Variants in CDH12 observed in about 807,000 individuals in gnomAD.
The protein encoded by CDH12 is cadherin-12.
Under a neutral mutation model 74.1 loss-of-function variants are expected in CDH12, and 41 were observed. The ratio of observed to expected loss-of-function variants is 0.55; its 90% confidence interval spans 0.43 to 0.72. The LOEUF is 0.72. CDH12 is among the 30% of genes least tolerant of loss of function. The pLI is 0.00. For synonymous variants in CDH12, 399 were observed against 355.0 expected, an observed-to-expected ratio of 1.12 and a Z score of -1.39; for missense variants, 945 against 977.2, an observed-to-expected ratio of 0.97 and a Z score of 0.44.
intron 4 of CDH12, among the ~76,000 whole-genome samples, chr5:22,203,033 T>A (rs541239519): frequency 1.6e-4 from 24 of 152,144 alleles, no homozygotes; most frequent in Non-Finnish European, 3.4e-4. Context: ...AACATAGGTA[T>A]ACGATGTGTA....
chr5:22,796,909 T>C (rs865780324), intron 1 of CDH12, among the ~76,000 whole-genome samples: 11 of 152,186 alleles, frequency 7.2e-5, no homozygotes, highest in African/African-American at 2.6e-4. Context: ...GAAAAGCAAG[T>C]TTCATAAAAT....
rs192232341 is a variant in CDH12, at chr5:21,951,941, T to C, written c.526+23150A>G. ...CTTTTGAATAGCGTCTGTTTATTCC[T>C]GTTAGAACTGAACTGGCAGGAAAAG... On this transcript the variant is annotated intron_variant, in intron 6 of 14. Transcript: ENST00000382254. Among the ~76,000 whole-genome samples the C allele has an allele frequency of 5.2e-3, 789 of 152,284 alleles. 4 individuals are homozygous for C. Among genetic ancestry groups the C allele is most frequent in the African/African-American group, 0.018 (761 of 41,556 alleles).
chr5:21,934,911 C>T (rs1755007342), intron 6 of CDH12, among the ~76,000 whole-genome samples: 1 of 152,108 alleles, frequency 6.6e-6, no homozygotes, highest in South Asian at 2.1e-4. Flanking sequence ...CTCAGCCTCC[C>T]GAGTAACTGC....
intron 1 of CDH12, among the ~76,000 whole-genome samples, chr5:22,611,133 A>T (rs968331765): frequency 7.2e-5 from 11 of 152,108 alleles, no homozygotes; most frequent in Non-Finnish European, 1.5e-4. Flanking sequence ...TTTATCCTAG[A>T]TATTTCTTGT....
chr5:22,588,526 A>G (rs183140272), intron 1 of CDH12, among the ~76,000 whole-genome samples: 1 of 152,180 alleles, frequency 6.6e-6, no homozygotes, highest in Non-Finnish European at 1.5e-5. Flanking sequence ...TAATTTGCAT[A>G]GGTTAATGGT....
intron 1 of CDH12, among the ~76,000 whole-genome samples, chr5:22,728,677 T>C (rs1744282199): frequency 6.6e-6 from 1 of 151,888 alleles, no homozygotes; most frequent in Non-Finnish European, 1.5e-5. Context: ...AAGTCTAAGA[T>C]GCGGCAAATC....
At chr5:22,795,457 T>A (rs1469900681) in intron 1 of CDH12, among the ~76,000 whole-genome samples, 1 of 151,922 alleles carries the variant, frequency 6.6e-6, no homozygotes, top group Non-Finnish European at 1.5e-5. Context: ...TCTCCAGTAT[T>A]TCTATCTAAT....
At chr5:22,837,881 A>T (rs1736903526) in intron 1 of CDH12, among the ~76,000 whole-genome samples, 1 of 152,206 alleles carries the variant, frequency 6.6e-6, no homozygotes, top group Non-Finnish European at 1.5e-5. Flanking sequence ...CTTGGAAGCC[A>T]GTGTGTAAAG....
At chr5:22,055,114 C>T (rs753244281) in intron 5 of CDH12, among the ~76,000 whole-genome samples, 1 of 152,118 alleles carries the variant, frequency 6.6e-6, no homozygotes, top group Non-Finnish European at 1.5e-5. Flanking sequence ...TCCTTTGCAT[C>T]AGGAGGAGCA....
intron 1 of CDH12, among the ~76,000 whole-genome samples, chr5:22,529,109 T>C (rs868693609): frequency 9.2e-6 from 1 of 108,162 alleles, no homozygotes; most frequent in African/African-American, 3.1e-5. Flanking sequence ...TATATGCATA[T>C]ATATGCATGC....
intron 2 of CDH12, among the ~76,000 whole-genome samples, chr5:22,469,390 C>A (rs540406642): frequency 6.6e-6 from 1 of 152,218 alleles, no homozygotes; most frequent in East Asian, 1.9e-4. Flanking sequence ...GTGTTCTGGG[C>A]CTCTCTCCTT....
At chr5:21,761,723 A>AGATG (rs1744728166) in intron 12 of CDH12, among the ~76,000 whole-genome samples, 1 of 143,208 alleles carries the variant, frequency 7.0e-6, no homozygotes, top group Non-Finnish European at 1.5e-5. Context: ...GTAGGTAGGT[A>AGATG]GATGGATGGA....
At chr5:22,372,113 TG>T (rs532139512) in intron 3 of CDH12, among the ~76,000 whole-genome samples, 4 of 151,558 alleles carry the variant, frequency 2.6e-5, no homozygotes, top group African/African-American at 9.6e-5. Flanking sequence ...GAGTGGCTGG[TG>T]TACTGATGAA....
At chr5:22,189,855 C>T (rs1177392023) in intron 4 of CDH12, among the ~76,000 whole-genome samples, 1 of 151,966 alleles carries the variant, frequency 6.6e-6, no homozygotes, top group African/African-American at 2.4e-5. Context: ...CATCTTCCCC[C>T]CGCCTATCCC....
intron 1 of CDH12, among the ~76,000 whole-genome samples, chr5:22,509,144 T>C (rs1333208709): frequency 6.6e-6 from 1 of 152,148 alleles, no homozygotes; most frequent in Non-Finnish European, 1.5e-5. Context: ...AAAATATTGT[T>C]TAAGACAACC....
At chr5:22,365,038 C>T (rs537068860) in intron 3 of CDH12, among the ~76,000 whole-genome samples, 3 of 152,264 alleles carry the variant, frequency 2.0e-5, no homozygotes, top group East Asian at 1.9e-4. Flanking sequence ...AACAGATTCC[C>T]TTTCTTCACT....
intron 6 of CDH12, among the ~76,000 whole-genome samples, chr5:21,895,754 CAGG>C (rs1753095152): frequency 6.6e-6 from 1 of 152,092 alleles, no homozygotes; most frequent in Non-Finnish European, 1.5e-5. Context: ...CCCAAGTGCC[CAGG>C]TAGTAGCCTT....
chr5:22,485,246 A>G (rs188454877), intron 2 of CDH12, among the ~76,000 whole-genome samples: 57 of 152,158 alleles, frequency 3.7e-4, no homozygotes, highest in African/African-American at 1.3e-3. Flanking sequence ...CAGTGGCCTC[A>G]TATTAGTTCA....
chr5:22,045,444 C>G (rs1739871593), intron 5 of CDH12, among the ~76,000 whole-genome samples: 1 of 151,796 alleles, frequency 6.6e-6, no homozygotes, highest in African/African-American at 2.4e-5. Flanking sequence ...GGTACATATC[C>G]AAAGAAAAGG....
Sources: gnomAD v4.1 joint callset for allele counts (sites outside exome capture counted in the v4.1 genomes callset) on GRCh38, gnomAD v4.1.1 for gene constraint, MANE v1.5 for transcripts, NCBI Gene and HGNC (gene_info 2026-07-23, HGNC 2026-07-21) for gene names.